Variants in MARCHF1 observed in about 807,000 individuals in gnomAD.
MARCHF1 encodes E3 ubiquitin-protein ligase MARCHF1.
In MARCHF1, 40 loss-of-function variants were observed where a neutral mutation model predicts 54.2. The observed-to-expected ratio is 0.74, with a 90% CI of 0.57 to 0.96. MARCHF1 has a LOEUF of 0.96. Among genes scored for constraint, MARCHF1 ranks in the 40% least tolerant of loss-of-function variants. The pLI is 0.00. For missense variants in MARCHF1, 586 were observed against 656.5 expected (o/e 0.89, Z 1.17); for synonymous variants, 236 against 236.3 (o/e 1.00, Z 0.01).
intron 3 of MARCHF1, among the ~76,000 whole-genome samples, chr4:163,967,173 A>T (rs899910451): frequency 1.3e-5 from 2 of 152,170 alleles, no homozygotes; most frequent in African/African-American, 4.8e-5. Flanking sequence ...CACGATAAGG[A>T]AATTAAATTT....
chr4:163,605,279 T>C (rs1311199651), intron 7 of MARCHF1, among the ~76,000 whole-genome samples: 2 of 152,112 alleles, frequency 1.3e-5, no homozygotes, highest in Non-Finnish European at 2.9e-5. Flanking sequence ...AGAAGACATT[T>C]ATGCAGCCAA....
At chr4:164,099,662 G>A (rs571198951) in intron 2 of MARCHF1, among the ~76,000 whole-genome samples, 2 of 152,222 alleles carry the variant, frequency 1.3e-5, no homozygotes, top group South Asian at 4.2e-4. Flanking sequence ...AAATGAAATA[G>A]AAAGTCAGAG....
Position 164,279,275 on chromosome 4 carries a change from GATTTTTAGAAGA to G in MARCHF1, c.-323+104583_-323+104594del, listed in dbSNP as rs1489549049. On this transcript the variant is annotated intron_variant, in intron 1 of 9. Transcript: ENST00000514618. ...AACAAAATAAACAGATTATATGGAG[GATTTTTAGAAGA>G]TAAGTAAATAAATTAATATACTAGG... 1.1e-4 allele frequency among the ~76,000 whole-genome samples: 16 copies of G among 151,504 alleles called. No homozygotes were observed. The East Asian group carries it at 3.1e-3, about 29-fold the overall frequency.
chr4:164,258,195 C>T (rs1733348555), intron 1 of MARCHF1, among the ~76,000 whole-genome samples: 1 of 151,858 alleles, frequency 6.6e-6, no homozygotes, highest in African/African-American at 2.4e-5. Context: ...GGGAGTTGAA[C>T]AATGAGAACA....
At position 164,176,974 on chromosome 4, in the gene MARCHF1, CT is replaced by C. The variant is rs1730697164; in HGVS notation, c.-322-65313del. On this transcript the variant is annotated intron_variant, in intron 1 of 9. Transcript: ENST00000514618. ...TCTCTCTCTCTCTCTCTCTCTCTCT[CT>C]CTCTCTATATATATATATATATATA... Among the ~76,000 whole-genome samples, 31 of 29,958 alleles carry C rather than the reference CT, an allele frequency of 1.0e-3. 3 individuals are homozygous for C. The highest frequency in any genetic ancestry group is 1.3e-3 in the Non-Finnish European group (19 of 15,028). The allele number at this position is 29,958 out of a possible 152,430, so 19.7% of individuals were successfully genotyped here. A position where few individuals can be genotyped will look rare whatever the true frequency, so the allele number is the denominator to read the frequency against.
At chr4:164,373,352 C>CTTTTTTTTT (rs5863683) in intron 1 of MARCHF1, among the ~76,000 whole-genome samples, 3 of 91,616 alleles carry the variant, frequency 3.3e-5, no homozygotes, top group African/African-American at 8.5e-5. Flanking sequence ...TGAAAAACTA[C>CTTTTTTTTT]TTTTTTTTTT....
At chr4:163,656,012 C>G (rs1325204445) in intron 5 of MARCHF1, among the ~76,000 whole-genome samples, 1 of 151,524 alleles carries the variant, frequency 6.6e-6, no homozygotes, top group East Asian at 1.9e-4. Context: ...GAATCAAAAG[C>G]AAACAAACCC....
At position 164,119,823 on chromosome 4, in the gene MARCHF1, A is replaced by G. The variant is rs149922502; in HGVS notation, c.-322-8161T>C. Among the ~76,000 whole-genome samples the G allele has an allele frequency of 3.5e-3, 527 of 152,094 alleles. 4 individuals are homozygous for G. The highest frequency in any genetic ancestry group is 0.012 in the African/African-American group (491 of 41,568). Reference sequence around the variant, plus strand: ...AGAGAAAAAAGCTTAAAATGGATCAATTTTCAAAAAGAAAATATAAAAAGT... The same window carrying G: ...AGAGAAAAAAGCTTAAAATGGATCAGTTTTCAAAAAGAAAATATAAAAAGT... On this transcript the variant is annotated intron_variant, in intron 1 of 9. Transcript: ENST00000514618.
At chr4:164,292,966 C>G (rs1418676048) in intron 1 of MARCHF1, among the ~76,000 whole-genome samples, 1 of 152,112 alleles carries the variant, frequency 6.6e-6, no homozygotes, top group African/African-American at 2.4e-5. Context: ...CTTCTTCTAA[C>G]CAATCATTTG....
intron 1 of MARCHF1, among the ~76,000 whole-genome samples, chr4:164,191,035 T>C (rs1374514641): frequency 6.6e-6 from 1 of 152,206 alleles, no homozygotes; most frequent in African/African-American, 2.4e-5. Context: ...GACCTCAGGA[T>C]AGATCCACAG....
chr4:163,643,941 A>G (rs1484690506), intron 5 of MARCHF1, among the ~76,000 whole-genome samples: 2 of 152,212 alleles, frequency 1.3e-5, no homozygotes, highest in Non-Finnish European at 2.9e-5. Flanking sequence ...ATGTAAGAGT[A>G]CAAATGACAA....
intron 2 of MARCHF1, among the ~76,000 whole-genome samples, chr4:164,063,683 G>A (rs1264840275): frequency 6.6e-6 from 1 of 152,148 alleles, no homozygotes; most frequent in South Asian, 2.1e-4. Flanking sequence ...CATTGTGCTT[G>A]AATTTTTTAG....
chr4:163,772,676 T>C (rs1346706460), intron 4 of MARCHF1, among the ~76,000 whole-genome samples: 1 of 152,154 alleles, frequency 6.6e-6, no homozygotes, highest in Non-Finnish European at 1.5e-5. Flanking sequence ...ATACTTTGGA[T>C]CTTAGTCTTT....
intron 5 of MARCHF1, among the ~76,000 whole-genome samples, chr4:163,655,000 T>C (rs1301281880): frequency 6.6e-6 from 1 of 151,626 alleles, no homozygotes; most frequent in African/African-American, 2.4e-5. Context: ...TTGTTCAAAT[T>C]TAATTTATGT....
At chr4:163,950,318 G>A (rs777131029) in intron 3 of MARCHF1, among the ~76,000 whole-genome samples, 7 of 152,318 alleles carry the variant, frequency 4.6e-5, no homozygotes, top group Middle Eastern at 3.4e-3. Flanking sequence ...CAAGGTGGCA[G>A]GGGACTGGCG....
At chr4:163,742,729 G>A (rs546632541) in intron 4 of MARCHF1, among the ~76,000 whole-genome samples, 40 of 152,036 alleles carry the variant, frequency 2.6e-4, no homozygotes, top group African/African-American at 5.5e-4. Context: ...CCTCCCACCC[G>A]GACCTCCCAG....
chr4:163,792,802 AAGTT>A (rs1423378221), intron 4 of MARCHF1, among the ~76,000 whole-genome samples: 1 of 152,226 alleles, frequency 6.6e-6, no homozygotes, highest in Non-Finnish European at 1.5e-5. Flanking sequence ...TTTTAAGGGA[AAGTT>A]AGACTAGGAA....
intron 1 of MARCHF1, among the ~76,000 whole-genome samples, chr4:164,239,563 T>A (rs184500108): frequency 6.6e-6 from 1 of 152,268 alleles, no homozygotes; most frequent in Admixed American, 6.5e-5. Flanking sequence ...TATACAGTAT[T>A]CAGATTGCTT....
At chr4:163,959,974 C>A (rs1010649255) in intron 3 of MARCHF1, among the ~76,000 whole-genome samples, 12 of 151,724 alleles carry the variant, frequency 7.9e-5, no homozygotes, top group Admixed American at 3.9e-4. Flanking sequence ...AGGAAAAAAA[C>A]CCCATTAAAA....
Sources: gnomAD v4.1 joint callset for allele counts (sites outside exome capture counted in the v4.1 genomes callset) on GRCh38, gnomAD v4.1.1 for gene constraint, MANE v1.5 for transcripts, NCBI Gene and HGNC (gene_info 2026-07-23, HGNC 2026-07-21) for gene names.